The following TJP3 variants were observed in gnomAD, a reference collection of about 807,000 sequenced individuals.
The protein encoded by TJP3 is tight junction protein 3.
Under a neutral mutation model 104.2 loss-of-function variants are expected in TJP3, and 85 were observed. The observed-to-expected ratio is 0.82, with a 90% CI of 0.68 to 0.98. The LOEUF is 0.98. TJP3 is among the 50% of genes least tolerant of loss of function. The pLI is 0.00. For missense variants in TJP3, 1,367 were observed against 1,322.8 expected (o/e 1.03, Z -0.52); for synonymous variants, 550 against 550.6 (o/e 1.00, Z 0.02).
At position 3,730,455 on chromosome 19, in the gene TJP3, TGGA is replaced by T; in HGVS notation, c.368_370del (p.Glu123del). The T allele has an allele frequency of 6.3e-7, 1 of 1,584,476 alleles. No individual in the cohort carries two copies. Among genetic ancestry groups the T allele is most frequent in the South Asian group, 1.1e-5 (1 of 88,126 alleles). ...GATGAAGACGATGGGCCCCAGCGGG[TGGA>T]GGAGGTGGACCAGGGCCGGGGCTAT... On this transcript the variant is annotated inframe_deletion, in exon 5 of 21. Transcript: ENST00000541714. The surrounding 1 kb of genome is among the most constrained non-coding windows in gnomAD (Gnocchi z 7.3).
intron 1 of TJP3, among the ~76,000 whole-genome samples, chr19:3,724,689 A>C (rs2036580007): frequency 6.6e-6 from 1 of 152,164 alleles, no homozygotes; most frequent in African/African-American, 2.4e-5. Context: ...GGTGCATGCC[A>C]CCATGCCCGG....
At chr19:3,721,104 G>A (rs1311989912) in intron 1 of TJP3, among the ~76,000 whole-genome samples, 1 of 151,936 alleles carries the variant, frequency 6.6e-6, no homozygotes. Context: ...GTTTCACCAT[G>A]TTGGTCAGGC....
Position 3,738,685 on chromosome 19 carries a change from T to C in TJP3, c.1393+22T>C, listed in dbSNP as rs1478076869. The C allele has an allele frequency of 3.8e-6, 6 of 1,597,118 alleles. No individual in the cohort carries two copies. In the African/African-American group the frequency reaches 5.4e-5, roughly 14 times the overall value. On this transcript the variant is annotated intron_variant, in intron 12 of 20. Transcript: ENST00000541714. The stretch of plus-strand genomic sequence containing the variant: ...GACAGTGAGTGCGCGTGGATATGGG[T>C]GTGCCTGTGTGTTGCGGGGGGAGGA...
intron 7 of TJP3, 144 bp downstream of exon 7, chr19:3,734,056 A>T: frequency 1.7e-6 from 2 of 1,157,948 alleles, no homozygotes; most frequent in Middle Eastern, 3.0e-4. Context: ...CCACACAGCA[A>T]GTCAAGAGTT....
chr19:3,711,049 G>A (rs1437282287), intron 1 of TJP3, among the ~76,000 whole-genome samples: 2 of 135,350 alleles, frequency 1.5e-5, no homozygotes, highest in Non-Finnish European at 3.1e-5. Context: ...GACTACAGGC[G>A]CCCGCCACCA....
intron 1 of TJP3, among the ~76,000 whole-genome samples, chr19:3,715,393 G>T (rs1376573619): frequency 6.6e-6 from 1 of 152,042 alleles, no homozygotes; most frequent in Non-Finnish European, 1.5e-5. Flanking sequence ...CCGGCCAAAA[G>T]CAGGTTTTTA....
intron 1 of TJP3, among the ~76,000 whole-genome samples, chr19:3,724,341 G>A (rs546104910): frequency 1.8e-4 from 28 of 151,966 alleles, no homozygotes; most frequent in East Asian, 1.9e-4. Context: ...GACTACAGGC[G>A]CCGGCCACCA....
chr19:3,736,247 ATCT>A lies in TJP3; in HGVS notation c.1213_1215del (p.Phe405del). 2 of 1,571,536 alleles carry A rather than the reference ATCT, an allele frequency of 1.3e-6. No homozygotes were observed. Reference sequence around the variant, plus strand: ...GCTGGCAGGGGGCAATGACGTGGGCATCTTCGTGTCCGGGGTGCAGGCGGGCAG... The same window carrying A: ...GCTGGCAGGGGGCAATGACGTGGGCATCGTGTCCGGGGTGCAGGCGGGCAG... On this transcript the variant is annotated inframe_deletion, in exon 11 of 21. Coordinates refer to ENST00000541714, the MANE Select transcript of TJP3 (RefSeq NM_001267560.2).
At chr19:3,709,919 G>C (rs1038303075) in intron 1 of TJP3, among the ~76,000 whole-genome samples, 1 of 152,092 alleles carries the variant, frequency 6.6e-6, no homozygotes, top group Non-Finnish European at 1.5e-5. Flanking sequence ...GGAGGTCGAG[G>C]CGAGTGGATC....
At chr19:3,739,589 G>A (rs1016778275) in intron 13 of TJP3, among the ~76,000 whole-genome samples, 3 of 152,164 alleles carry the variant, frequency 2.0e-5, no homozygotes, top group Admixed American at 2.0e-4. Context: ...ATTTGGTGCT[G>A]GTATGAGCTT....
intron 1 of TJP3, among the ~76,000 whole-genome samples, chr19:3,713,055 G>GC (rs893453294): frequency 1.3e-5 from 2 of 151,318 alleles, no homozygotes; most frequent in African/African-American, 4.9e-5. Flanking sequence ...ACTTCAAAGT[G>GC]CCCCCCATGA....
In TJP3 at chr19:3,709,357, A is replaced by C. The variant is rs552362828; in HGVS notation, c.-10+796A>C. ...GTGATCCAACCCCCTCGGCCTCCCA[A>C]AGTGCTGGGATTACAGGCGCAAGCC... On this transcript the variant is annotated intron_variant, in intron 1 of 20. Transcript: ENST00000541714. Among the ~76,000 whole-genome samples the C allele has an allele frequency of 2.6e-5, 4 of 152,166 alleles. No individual in the cohort carries two copies. In the South Asian group the frequency reaches 8.3e-4, roughly 32 times the overall value.
intron 15 of TJP3, 142 bp downstream of exon 15, chr19:3,744,176 A>G: frequency 1.5e-6 from 1 of 671,716 alleles, no homozygotes; most frequent in East Asian, 2.7e-5. Flanking sequence ...TACCCAAGCC[A>G]GACATCCTCA....
Position 3,746,911 on chromosome 19 carries a change from G to A in TJP3, c.2322+35G>A, listed in dbSNP as rs371991683. 175 of 1,549,584 alleles carry A rather than the reference G, an allele frequency of 1.1e-4. No homozygotes were observed. The African/African-American group carries it at 2.0e-3, about 18-fold the overall frequency. ...CGGTGTGGGTGGGTCGGGCAGGGAG[G>A]CCCCACAGACGCTGTGCAGGCCCAG... On this transcript the variant is annotated intron_variant, in intron 18 of 20. Transcript: ENST00000541714. The surrounding 1 kb of genome is among the most constrained non-coding windows in gnomAD (Gnocchi z 4.1).
intron 1 of TJP3, among the ~76,000 whole-genome samples, chr19:3,727,036 G>A (rs184201213): frequency 1.3e-5 from 2 of 151,792 alleles, no homozygotes; most frequent in East Asian, 3.9e-4. Flanking sequence ...GCATTGAACC[G>A]TGATCACACC....
intron 1 of TJP3, chr19:3,721,575 G>A: frequency 4.5e-6 from 1 of 224,486 alleles, no homozygotes; most frequent in Non-Finnish European, 8.7e-6. Flanking sequence ...CGCGGCCGCC[G>A]GCCCCCTCTC....
At chr19:3,738,248 C>T (rs115316082) in intron 11 of TJP3, among the ~76,000 whole-genome samples, 241 of 152,320 alleles carry the variant, frequency 1.6e-3, no homozygotes, top group African/African-American at 5.6e-3. Context: ...CATGCCATGA[C>T]CTCTGTTCCC....
At chr19:3,722,855 G>T (rs1321142269) in intron 1 of TJP3, among the ~76,000 whole-genome samples, 2 of 120,838 alleles carry the variant, frequency 1.7e-5, no homozygotes, top group Non-Finnish European at 3.4e-5. Flanking sequence ...AGATGGGGTG[G>T]CGGGGGGGGG....
chr19:3,721,947 C>T (rs922075047), intron 1 of TJP3: 10 of 375,782 alleles, frequency 2.7e-5, no homozygotes, highest in Non-Finnish European at 3.8e-5. Context: ...GGGAGGGGCT[C>T]GGGCTGAGGT....
Sources: gnomAD v4.1 joint callset for allele counts (sites outside exome capture counted in the v4.1 genomes callset) on GRCh38, gnomAD v4.1.1 for gene constraint, Gnocchi (gnomAD v3.1) non-coding constraint, MANE v1.5 for transcripts, NCBI Gene and HGNC (gene_info 2026-07-23, HGNC 2026-07-21) for gene names.